ZNF536: variants seen among roughly 807,000 people sequenced by gnomAD.
ZNF536 encodes the protein zinc finger protein 536.
A neutral mutation model predicts 84.5 loss-of-function variants in ZNF536; 13 were observed. The observed-to-expected ratio is 0.15, with a 90% confidence interval of 0.10 to 0.24. The LOEUF is 0.24. Ranked by LOEUF, ZNF536 falls within the 10% of genes least tolerant of loss-of-function variation. ZNF536 has a pLI of 1.00. For missense variants in ZNF536, 1,536 were observed against 1,747.5 expected, an observed-to-expected ratio of 0.88 and a Z score of 2.16; for synonymous variants, 811 against 742.5, an observed-to-expected ratio of 1.09 and a Z score of -1.50.
chr19:30,493,902 G>A (rs118019052), intron 2 of ZNF536, among the ~76,000 whole-genome samples: 3,144 of 152,182 alleles, frequency 0.021, 43 homozygotes, highest in Middle Eastern at 0.065. Context: ...CCTCATACGT[G>A]GAGTGTTTGC....
intron 1 of ZNF536, among the ~76,000 whole-genome samples, chr19:30,580,314 A>T (rs1337149033): frequency 1.3e-5 from 2 of 152,112 alleles, no homozygotes; most frequent in Non-Finnish European, 2.9e-5. Context: ...TGCTGAAGAG[A>T]CCTATGGTCT....
chr19:30,409,681 C>T (rs1008513308), intron 1 of ZNF536, among the ~76,000 whole-genome samples: 4 of 152,206 alleles, frequency 2.6e-5, no homozygotes, highest in Non-Finnish European at 5.9e-5. Context: ...CAAATTACGT[C>T]CCCCGACCAC....
chr19:30,466,349 TG>T (rs2053390506), intron 2 of ZNF536, among the ~76,000 whole-genome samples: 1 of 150,164 alleles, frequency 6.7e-6, no homozygotes, highest in Non-Finnish European at 1.5e-5. Context: ...CAAGACCAGC[TG>T]GGGCAACAAA....
intron 1 of ZNF536, among the ~76,000 whole-genome samples, chr19:30,271,299 C>CTTT (rs781528411): frequency 4.2e-4 from 47 of 111,744 alleles, no homozygotes; most frequent in Non-Finnish European, 5.3e-4. Flanking sequence ...TTTTTCTTTT[C>CTTT]TTTTTTTTTT....
chr19:30,283,694 T>C (rs2045531158), intron 1 of ZNF536, among the ~76,000 whole-genome samples: 1 of 151,362 alleles, frequency 6.6e-6, no homozygotes, highest in African/African-American at 2.4e-5. Context: ...CTTCTTCACT[T>C]TGAGAATTCT....
At chr19:30,434,624 A>C (rs1411339331) in intron 1 of ZNF536, among the ~76,000 whole-genome samples, 7 of 152,244 alleles carry the variant, frequency 4.6e-5, no homozygotes, top group African/African-American at 1.4e-4. Flanking sequence ...AACATGAGAC[A>C]ATGACTGTGA....
intron 3 of ZNF536, among the ~76,000 whole-genome samples, chr19:30,545,437 G>T (rs577347943): frequency 8.5e-6 from 1 of 117,692 alleles, no homozygotes; most frequent in African/African-American, 3.3e-5. Context: ...TTGCTCTGTC[G>T]CCCAGGCTGG....
intron 1 of ZNF536, among the ~76,000 whole-genome samples, chr19:30,231,385 A>G (rs1707721846): frequency 6.6e-6 from 1 of 152,226 alleles, no homozygotes; most frequent in African/African-American, 2.4e-5. Context: ...GCAGGGCACA[A>G]ACTCGCTTGC....
intron 2 of ZNF536, among the ~76,000 whole-genome samples, chr19:30,495,534 G>T (rs1407612373): frequency 1.3e-5 from 2 of 152,242 alleles, no homozygotes; most frequent in Non-Finnish European, 2.9e-5. Context: ...AGAGAAAGTT[G>T]TCTACAGAAT....
At chr19:30,480,547 G>T (rs1024693837) in intron 2 of ZNF536, among the ~76,000 whole-genome samples, 3 of 148,036 alleles carry the variant, frequency 2.0e-5, no homozygotes, top group Non-Finnish European at 4.6e-5. Context: ...GGGGCCTGTC[G>T]TGGGGTAGGG....
rs1041206439 is a variant in ZNF536, at chr19:30,592,573, A to T, written c.169+43059A>T. On this transcript the variant is annotated intron_variant, in intron 1 of 1. Transcript: ENST00000592773. The stretch of plus-strand genomic sequence containing the variant: ...ACACCCGGGCTCAGCTCACTAATTG[A>T]CTGAACAAGACGTGGTCACAGTTTA... Among the ~76,000 whole-genome samples the T allele has an allele frequency of 3.9e-5, 6 of 152,260 alleles. No individual in the cohort carries two copies. The East Asian group carries it at 9.7e-4, about 24-fold the overall frequency.
intron 1 of ZNF536, among the ~76,000 whole-genome samples, chr19:30,640,623 A>T (rs532868815): frequency 1.0e-3 from 157 of 152,292 alleles, no homozygotes; most frequent in African/African-American, 3.7e-3. Flanking sequence ...CCAGCCTGCA[A>T]GGCAGGGAGG....
intron 2 of ZNF536, among the ~76,000 whole-genome samples, chr19:30,284,589 C>T (rs774220778): frequency 7.2e-5 from 11 of 152,236 alleles, no homozygotes; most frequent in Non-Finnish European, 1.0e-4. Context: ...CCGTGTTTGT[C>T]ACCTCAATCA....
At chr19:30,421,562 C>T (rs2050958642) in intron 1 of ZNF536, among the ~76,000 whole-genome samples, 1 of 152,116 alleles carries the variant, frequency 6.6e-6, no homozygotes, top group African/African-American at 2.4e-5. Context: ...AGAGTCTCAC[C>T]ATGTTACCCA....
intron 3 of ZNF536, chr19:30,352,505 ACTC>A (rs1205982891): frequency 2.0e-5 from 3 of 151,952 alleles, no homozygotes; most frequent in African/African-American, 7.3e-5. Flanking sequence ...CGATATTAGA[ACTC>A]CTTCTTCTTC....
chr19:30,364,838 AG>A (rs2048378579), intron 3 of ZNF536, among the ~76,000 whole-genome samples: 1 of 152,170 alleles, frequency 6.6e-6, no homozygotes, highest in Non-Finnish European at 1.5e-5. Flanking sequence ...TATACAAAAG[AG>A]GTACTTTGGG....
chr19:30,229,822 C>T (rs2022899803), intron 1 of ZNF536, among the ~76,000 whole-genome samples: 1 of 152,198 alleles, frequency 6.6e-6, no homozygotes, highest in South Asian at 2.1e-4. Flanking sequence ...AACTTTTCCC[C>T]CCACTGAGGA....
chr19:30,442,336 T>C (rs947257120), intron 1 of ZNF536, among the ~76,000 whole-genome samples: 4 of 152,262 alleles, frequency 2.6e-5, no homozygotes, highest in Non-Finnish European at 5.9e-5. Context: ...AAGACAATTA[T>C]GCAGACCAGC....
intron 2 of ZNF536, among the ~76,000 whole-genome samples, chr19:30,490,545 A>G (rs1382057508): frequency 6.6e-6 from 1 of 152,174 alleles, no homozygotes; most frequent in Non-Finnish European, 1.5e-5. Context: ...CCCCCTTGCC[A>G]CAGAGATAAC....
Sources: allele counts gnomAD v4.1 joint callset (sites outside exome capture counted in the v4.1 genomes callset), GRCh38; gene constraint gnomAD v4.1.1; transcripts MANE v1.5; gene names NCBI Gene and HGNC (gene_info 2026-07-23, HGNC 2026-07-21).